The following PNPT1 variants were observed in gnomAD, a reference collection of about 807,000 sequenced individuals.
PNPT1 encodes the protein polyribonucleotide nucleotidyltransferase 1, mitochondrial.
PNPT1 carries 53 observed loss-of-function variants against 119.5 expected under a neutral mutation model. The ratio of observed to expected loss-of-function variants is 0.44; its 90% CI spans 0.36 to 0.56. The LOEUF (loss-of-function observed/expected upper bound fraction) is 0.56. PNPT1 is among the 20% of genes least tolerant of loss of function. The pLI is 0.00. For missense variants in PNPT1, 948 were observed against 938.5 expected (o/e 1.01, Z -0.13); for synonymous variants, 357 against 322.1 (o/e 1.11, Z -1.16).
intron 1 of PNPT1, among the ~76,000 whole-genome samples, chr2:55,693,212 G>A (rs1450624037): frequency 5.9e-5 from 9 of 152,198 alleles, no homozygotes; most frequent in Admixed American, 5.9e-4. Flanking sequence ...GTGGGACGTG[G>A]GGGACCCGTG....
At chr2:55,690,303 A>C (rs1697549410) in intron 1 of PNPT1, among the ~76,000 whole-genome samples, 1 of 151,880 alleles carries the variant, frequency 6.6e-6, no homozygotes, top group African/African-American at 2.4e-5. Context: ...AAGATTCATC[A>C]AAAGGTGTTT....
At position 55,680,881 on chromosome 2, in the gene PNPT1, T is replaced by C. The variant is rs1697226598; in HGVS notation, c.491A>G (p.Glu164Gly). 6 of 1,614,090 alleles carry C rather than the reference T, an allele frequency of 3.7e-6. No homozygotes were observed. Among genetic ancestry groups the C allele is most frequent in the Non-Finnish European group, 5.1e-6 (6 of 1,179,954 alleles). The change falls in exon 6 of 28, where the codon GAG becomes GGG. Residue 164 changes from glutamate (E) to glycine (G), a missense_variant. Physicochemically the swap from Glu to Gly is moderately conservative, Grantham distance 98. Transcript: ENST00000447944. ...GCCATTAATTGCTAGGACATCAGGC[T>C]CATTTACACCATCTACTGCTAACAG... ...CNLLAVDGVN[E>G]PDVLAINGAS...
At chr2:55,673,155 C>T (rs965263611) in intron 8 of PNPT1, 76 bp from the exon 9 acceptor site, 1 of 1,146,292 alleles carries the variant, frequency 8.7e-7, no homozygotes, top group Non-Finnish European at 1.2e-6. Context: ...AATACCATGA[C>T]ATGACATAAA....
chr2:55,667,973 C>G lies in PNPT1; in HGVS notation c.977-15G>C, dbSNP rs747050325. 5.8e-6 allele frequency: 9 copies of G among 1,562,160 alleles called. No homozygotes were observed. In the South Asian group the frequency reaches 6.0e-5, roughly 10 times the overall value. ...TGGAAATTTTTCTATAGAAAAAAGA[C>G]AAACCAAAACAAAGATTTTTACTTT... On this transcript the variant is annotated splice_polypyrimidine_tract_variant and intron_variant, in intron 11 of 27. Coordinates refer to ENST00000447944, the MANE Select transcript of PNPT1 (RefSeq NM_033109.5).
intron 5 of PNPT1, among the ~76,000 whole-genome samples, chr2:55,681,598 AT>A (rs1697250932): frequency 6.6e-6 from 1 of 152,024 alleles, no homozygotes; most frequent in African/African-American, 2.4e-5. Context: ...TAATCTCAAC[AT>A]TTTGGGAGGC....
chr2:55,636,314 C>T lies in PNPT1; in HGVS notation c.2275G>A (p.Val759Met), dbSNP rs145553870. ...CTTCTGTCATTCAAAGTTCTGACCA[C>T]GGTTGTAGCTGGCGACTGAAGCACT... Reference protein sequence around the residue: ...RKVLQSPATTVVRTLNDRSSI... With the variant: ...RKVLQSPATTMVRTLNDRSSI... Residue 759 changes from valine to methionine, a missense_variant, in exon 28 of 28, where the codon GTG becomes ATG. By Grantham distance (21) the Val-to-Met change is conservative. Coordinates refer to ENST00000447944, the MANE Select transcript of PNPT1 (RefSeq NM_033109.5). 3.8e-5 allele frequency: 61 copies of T among 1,613,876 alleles called. No homozygotes were observed. The highest frequency in any genetic ancestry group is 8.3e-5 in the Admixed American group (5 of 59,984).
rs1027333336 is a variant in PNPT1 at position 55,656,519 on chromosome 2, G to T, written c.1285-148C>A. ...GTACATTCATAAATATACAGAAAAC[G>T]TATGATATAAATTTAACATACATAC... On this transcript the variant is annotated intron_variant, in intron 15 of 27. Transcript: ENST00000447944. 11 of 721,236 alleles carry T rather than the reference G, an allele frequency of 1.5e-5. No individual in the cohort carries two copies. The East Asian group carries it at 2.7e-4, about 18-fold the overall frequency. 44.7% of individuals were successfully genotyped at this position (721,236 alleles called of 1,614,324 possible).
chr2:55,668,206 A>G lies in PNPT1; in HGVS notation c.977-248T>C, dbSNP rs544656215. On this transcript the variant is annotated intron_variant, in intron 11 of 27. Transcript: ENST00000447944. ...GTTTGTTTTCTACCTAAATGACTGA[A>G]TGACAGTGCTTTGAAATCAGTTCCC... 8.9e-4 allele frequency among the ~76,000 whole-genome samples: 136 copies of G among 152,318 alleles called. No individual in the cohort carries two copies. The Middle Eastern group carries it at 0.01, about 11-fold the overall frequency.
At chr2:55,639,510 CTTAAT>C (rs1249628048) in intron 26 of PNPT1, among the ~76,000 whole-genome samples, 1 of 152,126 alleles carries the variant, frequency 6.6e-6, no homozygotes, top group African/African-American at 2.4e-5. Flanking sequence ...AAACTGATAT[CTTAAT>C]TTCATTTGCA....
At chr2:55,678,051 C>A (rs79593488) in intron 8 of PNPT1, among the ~76,000 whole-genome samples, 4,685 of 152,228 alleles carry the variant, frequency 0.031, 110 homozygotes, top group Non-Finnish European at 0.045. Flanking sequence ...ATTTCTGTGT[C>A]TTAATGATAA....
At position 55,646,244 on chromosome 2, in the gene PNPT1, A is replaced by G. The variant is rs1333446474; in HGVS notation, c.1738+15T>C. ...GTGGAAAAGAATGAAGGGAGAATCA[A>G]GCACACTAGCTCACCTGAAGCTTGT... On this transcript the variant is annotated intron_variant, in intron 21 of 27. Transcript: ENST00000447944. 3 of 1,603,194 alleles carry G rather than the reference A, an allele frequency of 1.9e-6. No homozygotes were observed. Among genetic ancestry groups the G allele is most frequent in the Non-Finnish European group, 2.6e-6 (3 of 1,172,138 alleles).
chr2:55,643,231 G>A lies in PNPT1; in HGVS notation c.2014-18C>T. 6.2e-7 allele frequency: 1 copy of A among 1,614,026 alleles called. No individual in the cohort carries two copies. On this transcript the variant is annotated intron_variant, in intron 24 of 27. Coordinates refer to ENST00000447944, the MANE Select transcript of PNPT1 (RefSeq NM_033109.5). Reference sequence around the variant, plus strand: ...TGCTCCTGCTGTAAGTGCAAAATAAGCCATAAGATTCATAAAGAAAACATC... The same window carrying A: ...TGCTCCTGCTGTAAGTGCAAAATAAACCATAAGATTCATAAAGAAAACATC...
At chr2:55,657,854 T>G (rs1323100754) in intron 15 of PNPT1, among the ~76,000 whole-genome samples, 1 of 19,842 alleles carries the variant, frequency 5.0e-5, no homozygotes, top group Non-Finnish European at 1.3e-4. Context: ...ATAGATAGAC[T>G]GCAAAAAAAA....
At chr2:55,650,315 G>GT (rs976296591) in intron 18 of PNPT1, among the ~76,000 whole-genome samples, 2 of 152,172 alleles carry the variant, frequency 1.3e-5, no homozygotes, top group Non-Finnish European at 2.9e-5. Flanking sequence ...ACTGGTTTTC[G>GT]TATTTTTTTG....
Position 55,693,661 on chromosome 2 carries a change from A to C in PNPT1, c.161+2T>G. ...ATACAGTGAACGCACGTCACTCCTT[A>C]CCTGTTGCCTAAGTCCACGGCCACA... On this transcript the variant is annotated splice_donor_variant, in intron 1 of 27. Transcript: ENST00000447944. LOFTEE classifies it high-confidence loss of function. 1 of 1,614,088 alleles carries C rather than the reference A, an allele frequency of 6.2e-7. No homozygotes were observed. Among genetic ancestry groups the C allele is most frequent in the Non-Finnish European group, 8.5e-7 (1 of 1,179,978 alleles).
chr2:55,685,023 G>A lies in PNPT1; in HGVS notation c.323C>T (p.Ala108Val), dbSNP rs1392732130. Reference sequence around the variant, plus strand: ...ATAGTTTGTGGGAATTCTACCTGCTGCAGCAGCTTTTTGTCTGTAGTCAAC... The same window carrying A: ...ATAGTTTGTGGGAATTCTACCTGCTACAGCAGCTTTTTGTCTGTAGTCAAC... Reference protein sequence around the residue: ...LVVDYRQKAAAAGRIPTNYLR... With the variant: ...LVVDYRQKAAVAGRIPTNYLR... The change falls in exon 4 of 28, where the codon GCA becomes GTA. Residue 108 changes from alanine to valine, a missense_variant. Transcript: ENST00000447944. The A allele has an allele frequency of 3.1e-6, 5 of 1,592,868 alleles. No individual in the cohort carries two copies. In the African/African-American group the frequency reaches 5.4e-5, roughly 17 times the overall value.
chr2:55,692,180 C>T (rs1490576074), intron 1 of PNPT1, among the ~76,000 whole-genome samples: 2 of 151,896 alleles, frequency 1.3e-5, no homozygotes, highest in African/African-American at 2.4e-5. Context: ...CCACTGTGCT[C>T]GGCCGTTTTT....
Position 55,680,425 on chromosome 2 carries a change from TAA to T in PNPT1, c.565+285_565+286del, listed in dbSNP as rs35483599. Reference sequence around the variant, plus strand: ...GTATATACTCTGATAATTTCCCAGTTAAAAAAAAAAAAAAAAAAGAAGTCCTC... The same window carrying T: ...GTATATACTCTGATAATTTCCCAGTTAAAAAAAAAAAAAAAAGAAGTCCTC... On this transcript the variant is annotated intron_variant, in intron 7 of 27. Coordinates refer to ENST00000447944, the MANE Select transcript of PNPT1 (RefSeq NM_033109.5). Among the ~76,000 whole-genome samples, 881 of 132,176 alleles carry T rather than the reference TAA, an allele frequency of 6.7e-3. 1 individual carries two copies. The highest frequency in any genetic ancestry group is 0.012 in the Middle Eastern group (3 of 258). The allele number at this position is 132,176 out of a possible 152,430, so 86.7% of individuals were successfully genotyped here. A position where few individuals can be genotyped will look rare whatever the true frequency, so the allele number is the denominator to read the frequency against.
chr2:55,661,926 CGT>C (rs1056966490), intron 14 of PNPT1, 28 bp downstream of exon 14: 1 of 1,517,538 alleles, frequency 6.6e-7, no homozygotes, highest in African/African-American at 1.4e-5. Context: ...CATCATAAAA[CGT>C]AACAAACATC....
Sources: gnomAD v4.1 joint callset for allele counts (sites outside exome capture counted in the v4.1 genomes callset) on GRCh38, gnomAD v4.1.1 for gene constraint, MANE v1.5 for transcripts, NCBI Gene and HGNC (gene_info 2026-07-23, HGNC 2026-07-21) for gene names.